The following UBASH3B variants were observed in gnomAD, a reference collection of about 807,000 sequenced individuals.
The protein encoded by UBASH3B is ubiquitin associated and SH3 domain containing B, also known as ubiquitin-associated and SH3 domain-containing protein B.
In UBASH3B, 37 loss-of-function variants were observed where a neutral mutation model predicts 83.4. That is an observed-to-expected ratio of 0.44 (90% CI 0.34 to 0.58). The LOEUF (loss-of-function observed/expected upper bound fraction) is 0.58, where lower values mean the gene tolerates loss of function less well. Ranked by LOEUF, UBASH3B falls within the 20% of genes least tolerant of loss-of-function variation. The pLI, the probability that UBASH3B is intolerant of heterozygous loss-of-function variation, is 0.01. For synonymous variants in UBASH3B, 304 were observed against 318.3 expected (o/e 0.96, Z 0.48); for missense variants, 657 against 827.2 (o/e 0.79, Z 2.52).
chr11:122,799,946 G>C (rs1389268868), intron 10 of UBASH3B, among the ~76,000 whole-genome samples: 1 of 152,188 alleles, frequency 6.6e-6, no homozygotes, highest in African/African-American at 2.4e-5. Context: ...CTGCATCTGA[G>C]TCTTCTATCC....
intron 5 of UBASH3B, among the ~76,000 whole-genome samples, chr11:122,785,865 G>A (rs1470673774): frequency 3.9e-5 from 6 of 152,134 alleles, no homozygotes; most frequent in Non-Finnish European, 8.8e-5. Context: ...CAACAGCAAC[G>A]AAAAATTGCT....
chr11:122,738,905 G>T (rs1860979458), intron 1 of UBASH3B, among the ~76,000 whole-genome samples: 1 of 136,868 alleles, frequency 7.3e-6, no homozygotes, highest in African/African-American at 2.7e-5. Flanking sequence ...AAAAAAAAAA[G>T]TTACGTTTAT....
At chr11:122,662,396 C>T (rs572877487) in intron 1 of UBASH3B, among the ~76,000 whole-genome samples, 88 of 152,038 alleles carry the variant, frequency 5.8e-4, no homozygotes, top group African/African-American at 2.0e-3. Context: ...CAACCCCCAA[C>T]CCTGAGCAGC....
intron 1 of UBASH3B, among the ~76,000 whole-genome samples, chr11:122,687,298 T>G (rs1863821494): frequency 6.6e-6 from 1 of 152,246 alleles, no homozygotes; most frequent in African/African-American, 2.4e-5. Flanking sequence ...CAGTGTGTAA[T>G]ACATATAAGG....
At chr11:122,718,504 T>G (rs1860564323) in intron 1 of UBASH3B, among the ~76,000 whole-genome samples, 1 of 152,146 alleles carries the variant, frequency 6.6e-6, no homozygotes, top group African/African-American at 2.4e-5. Flanking sequence ...CTTTGAACAC[T>G]GGCTTCTTGA....
At chr11:122,761,945 C>A (rs953832754) in intron 1 of UBASH3B, among the ~76,000 whole-genome samples, 1 of 151,920 alleles carries the variant, frequency 6.6e-6, no homozygotes, top group African/African-American at 2.4e-5. Flanking sequence ...GCATGCACCA[C>A]CACGCCCAGC....
rs928398207 is a variant in UBASH3B at position 122,811,970 on chromosome 11, C to G, written c.*2084C>G. 1 of 152,186 alleles carries G rather than the reference C, an allele frequency of 6.6e-6. No individual in the cohort carries two copies. Among genetic ancestry groups the G allele is most frequent in the African/African-American group, 2.4e-5 (1 of 41,442 alleles). The allele number at this position is 152,186 out of a possible 1,614,324, so 9.4% of individuals were successfully genotyped here. On this transcript the variant is annotated 3_prime_UTR_variant, in exon 14 of 14. Transcript: ENST00000284273. ...TGCTCAGAATAATGCTTGAACACCT[C>G]ACCTTGAAACTGTAGCAGTGTGTTC... is the stretch of plus-strand genomic sequence containing the variant.
chr11:122,721,148 G>A (rs887052151), intron 1 of UBASH3B, among the ~76,000 whole-genome samples: 23 of 150,720 alleles, frequency 1.5e-4, no homozygotes, highest in Admixed American at 4.6e-4. Context: ...TGGAGGCTGA[G>A]TCAGGAGAAT....
rs943526693 is a variant in UBASH3B at position 122,734,254 on chromosome 11, G to A, written c.162-41965G>A. ...TTTGGTTTTCATGAGCACAGAAAAG[G>A]GGCTGATAGCCTGGTGATCAACTGT... On this transcript the variant is annotated intron_variant, in intron 1 of 13. Transcript: ENST00000284273. Among the ~76,000 whole-genome samples, 3 of 152,200 alleles carry A rather than the reference G, an allele frequency of 2.0e-5. No individual in the cohort carries two copies. The South Asian group carries it at 6.2e-4, about 32-fold the overall frequency.
chr11:122,758,696 A>C lies in UBASH3B; in HGVS notation c.162-17523A>C, dbSNP rs1861321960. ...GTAGATGCACCTGCCACTCCACGCCACTCTACTCCCTCCCTTAAGTTGCCA... is the reference window on the plus strand; with the variant it reads ...GTAGATGCACCTGCCACTCCACGCCCCTCTACTCCCTCCCTTAAGTTGCCA... On this transcript the variant is annotated intron_variant, in intron 1 of 13. Coordinates refer to ENST00000284273, the MANE Select transcript of UBASH3B (RefSeq NM_032873.5). The surrounding 1 kb of genome is among the most constrained non-coding windows in gnomAD (Gnocchi z 4.2). 6.6e-6 allele frequency among the ~76,000 whole-genome samples: 1 copy of C among 152,088 alleles called. No homozygotes were observed. The highest frequency in any genetic ancestry group is 1.5e-5 in the Non-Finnish European group (1 of 68,022).
At chr11:122,666,342 G>A (rs1863518129) in intron 1 of UBASH3B, among the ~76,000 whole-genome samples, 1 of 152,178 alleles carries the variant, frequency 6.6e-6, no homozygotes. Flanking sequence ...ACAGACATGT[G>A]GAACGATGCA....
chr11:122,791,988 T>C (rs1861061970), intron 6 of UBASH3B, among the ~76,000 whole-genome samples: 1 of 152,222 alleles, frequency 6.6e-6, no homozygotes, highest in Admixed American at 6.5e-5. Context: ...ATGCTTGAGA[T>C]GTTCTGGATG....
intron 1 of UBASH3B, among the ~76,000 whole-genome samples, chr11:122,733,186 T>A (rs1218671188): frequency 1.3e-5 from 2 of 152,154 alleles, no homozygotes; most frequent in Non-Finnish European, 2.9e-5. Flanking sequence ...GCAGAGAATG[T>A]TTCCCTCCTT....
rs1051942774 is a variant in UBASH3B at position 122,759,649 on chromosome 11, C to G, written c.162-16570C>G. On this transcript the variant is annotated intron_variant, in intron 1 of 13. Coordinates refer to ENST00000284273, the MANE Select transcript of UBASH3B (RefSeq NM_032873.5). This position sits in a 1 kb window ranked among gnomAD's most constrained non-coding sequence, Gnocchi z 4.1. ...GACAGACTATCAGGCATTAGATTCT[C>G]CTGAGGAGCCTGCAACCTAGATCCC... 6.6e-6 allele frequency among the ~76,000 whole-genome samples: 1 copy of G among 152,166 alleles called. No homozygotes were observed. The highest frequency in any genetic ancestry group is 1.5e-5 in the Non-Finnish European group (1 of 68,032).
chr11:122,805,050 C>T (rs1022718842), intron 11 of UBASH3B, among the ~76,000 whole-genome samples: 2 of 152,132 alleles, frequency 1.3e-5, no homozygotes, highest in Non-Finnish European at 1.5e-5. Flanking sequence ...TTCGTTTTCA[C>T]GCTGCTGACA....
At chr11:122,733,016 G>T (rs1017506006) in intron 1 of UBASH3B, among the ~76,000 whole-genome samples, 2 of 152,150 alleles carry the variant, frequency 1.3e-5, no homozygotes, top group Non-Finnish European at 1.5e-5. Context: ...GCTTTTGAAG[G>T]CCTTTTGGGA....
intron 1 of UBASH3B, among the ~76,000 whole-genome samples, chr11:122,768,504 G>GTATA (rs747038629): frequency 0.011 from 1,491 of 135,182 alleles, 14 homozygotes; most frequent in Non-Finnish European, 0.017. Context: ...GTGTGTGTGT[G>GTATA]TGTGTATATA....
At chr11:122,715,972 T>G (rs1860518577) in intron 1 of UBASH3B, among the ~76,000 whole-genome samples, 1 of 152,236 alleles carries the variant, frequency 6.6e-6, no homozygotes, top group Admixed American at 6.5e-5. Flanking sequence ...ACAGAGGAGA[T>G]TCAAGTGCTT....
intron 1 of UBASH3B, among the ~76,000 whole-genome samples, chr11:122,683,608 A>ATAATAATAATAATAATAAT (rs58490731): frequency 1.4e-5 from 2 of 148,042 alleles, no homozygotes; most frequent in Non-Finnish European, 3.0e-5. Context: ...CCTTCTCAAA[A>ATAATAATAATAATAATAAT]AAAAAAAAAA....
Sources: gnomAD v4.1 joint callset for allele counts (sites outside exome capture counted in the v4.1 genomes callset) on GRCh38, gnomAD v4.1.1 for gene constraint, Gnocchi (gnomAD v3.1) non-coding constraint, MANE v1.5 for transcripts, NCBI Gene and HGNC (gene_info 2026-07-23, HGNC 2026-07-21) for gene names.